ENOSF1: variants seen among roughly 807,000 people sequenced by gnomAD.
ENOSF1 encodes mitochondrial enolase superfamily member 1.
ENOSF1 carries 73 observed loss-of-function variants against 68.2 expected under a neutral mutation model. The ratio of observed to expected loss-of-function variants is 1.07; its 90% confidence interval spans 0.89 to 1.30. The LOEUF is 1.30. ENOSF1 is among the 50% of genes most tolerant of loss of function. The pLI is 0.00. For missense variants in ENOSF1, 589 were observed against 554.5 expected (o/e 1.06, Z -0.62); for synonymous variants, 223 against 210.4 (o/e 1.06, Z -0.52).
At chr18:694,520 C>T (rs1349512477) in intron 3 of ENOSF1, among the ~76,000 whole-genome samples, 186 bp from the exon 4 acceptor site, 1 of 151,614 alleles carries the variant, frequency 6.6e-6, no homozygotes, top group African/African-American at 2.4e-5. Flanking sequence ...AGTCCCTACT[C>T]AGGAGGCTGA....
At chr18:669,982 C>CAAA (rs1567993155), downstream of ENOSF1, among the ~76,000 whole-genome samples, 1 of 150,630 alleles carries the variant, frequency 6.6e-6, no homozygotes, top group African/African-American at 2.4e-5. Flanking sequence ...ACAACAACAA[C>CAAA]AAAACTCTAT....
the ENOSF1 span, among the ~76,000 whole-genome samples, chr18:664,665 A>T: frequency 3.4e-5 from 5 of 148,496 alleles, no homozygotes; most frequent in African/African-American, 1.3e-4. Context: ...TGTCATAGAT[A>T]GCTCTTATTA....
chr18:687,652 G>A (rs1034256389), intron 9 of ENOSF1: 1 of 152,356 alleles, frequency 6.6e-6, no homozygotes, highest in African/African-American at 2.4e-5. Flanking sequence ...TCAGGATGCA[G>A]GGTCATCAAC....
chr18:703,877 T>C (rs2078638719), intron 2 of ENOSF1, among the ~76,000 whole-genome samples: 1 of 152,168 alleles, frequency 6.6e-6, no homozygotes, highest in Non-Finnish European at 1.5e-5. Context: ...ATTGGTACTG[T>C]CTTTGAGATA....
At position 671,571 on chromosome 18, in the gene ENOSF1, C is replaced by T. The variant is rs1598481573; in HGVS notation, c.*2734G>A. On this transcript the variant is annotated 3_prime_UTR_variant, in exon 16 of 16. Transcript: ENST00000647584. ...AAAGATGACTGCTCCAAATGTGGGG[C>T]TTCAGTTTAGGGAGAAGTGGTGGGC... 1.3e-6 allele frequency: 1 copy of T among 754,192 alleles called. No homozygotes were observed. Among genetic ancestry groups the T allele is most frequent in the Non-Finnish European group, 2.3e-6 (1 of 436,206 alleles). 46.7% of individuals were successfully genotyped at this position (754,192 alleles called of 1,614,324 possible).
intron 5 of ENOSF1, chr18:692,958 A>G (rs1051706849): frequency 2.0e-5 from 23 of 1,169,760 alleles, no homozygotes; most frequent in Admixed American, 1.9e-4. Flanking sequence ...TTGCCAACTA[A>G]TAACAAGGGC....
chr18:687,946 C>G (rs2076775913), intron 9 of ENOSF1: 1 of 152,554 alleles, frequency 6.6e-6, no homozygotes, highest in South Asian at 2.1e-4. Flanking sequence ...GCAGGCGGAT[C>G]ACCTGAGGTC....
At chr18:666,570 A>G (rs1169376131), downstream of ENOSF1, among the ~76,000 whole-genome samples, 1 of 152,208 alleles carries the variant, frequency 6.6e-6, no homozygotes, top group African/African-American at 2.4e-5. Context: ...CTAGCTGGGC[A>G]GAGACCAGCA....
At chr18:685,355 T>TAA (rs890723514) in intron 10 of ENOSF1, among the ~76,000 whole-genome samples, 37 of 145,174 alleles carry the variant, frequency 2.5e-4, no homozygotes, top group Middle Eastern at 3.5e-3. Flanking sequence ...ATGACTTCAT[T>TAA]AAAAAAAAAA....
At chr18:695,171 TTTC>T (rs1411136864) in intron 3 of ENOSF1, among the ~76,000 whole-genome samples, 4 of 152,212 alleles carry the variant, frequency 2.6e-5, no homozygotes, top group Admixed American at 6.5e-5. Flanking sequence ...TGGAATAATT[TTTC>T]TTCTTCTTTT....
intron 5 of ENOSF1, chr18:693,016 C>A (rs531244396): frequency 8.1e-7 from 1 of 1,232,022 alleles, no homozygotes; most frequent in South Asian, 1.4e-5. Flanking sequence ...AGGTGTTGCA[C>A]TGAGGCCACC....
chr18:706,433 T>A, intron 2 of ENOSF1, 37 bp downstream of exon 2: 1 of 1,314,532 alleles, frequency 7.6e-7, no homozygotes, highest in Non-Finnish European at 1.1e-6. Context: ...ATCTGAAAAT[T>A]AAGCATTCTG....
the ENOSF1 span, among the ~76,000 whole-genome samples, chr18:663,822 G>T: frequency 1.9e-5 from 2 of 103,410 alleles, no homozygotes; most frequent in African/African-American, 1.1e-4. Flanking sequence ...AGATCAGATA[G>T]TTGTAGATAT....
chr18:671,725 G>A lies in ENOSF1; in HGVS notation c.*2580C>T, dbSNP rs1184068209. ...ATTCAAGCCAGGGGATTGTCCAAAA[G>A]GGGGCATTTTAACTCATTTTAACTT... On this transcript the variant is annotated 3_prime_UTR_variant, in exon 16 of 16. Transcript: ENST00000647584. 8.5e-6 allele frequency: 4 copies of A among 471,244 alleles called. No individual in the cohort carries two copies. The highest frequency in any genetic ancestry group is 5.3e-4 in the Middle Eastern group (1 of 1,896). 29.2% of individuals were successfully genotyped at this position (471,244 alleles called of 1,614,324 possible).
chr18:666,375 G>A (rs1318581318), downstream of ENOSF1, among the ~76,000 whole-genome samples: 1 of 152,078 alleles, frequency 6.6e-6, no homozygotes. Flanking sequence ...CGCAGTGCCA[G>A]GGTCACACTC....
At chr18:690,782 T>C (rs771195872) in intron 7 of ENOSF1, 151 bp from the exon 8 acceptor site, 28 of 1,488,476 alleles carry the variant, frequency 1.9e-5, no homozygotes, top group Middle Eastern at 2.4e-4. Context: ...TACTAGGATG[T>C]CAAACCCAGG....
intron 3 of ENOSF1, among the ~76,000 whole-genome samples, chr18:694,678 G>A (rs2847601): frequency 0.33 from 50,395 of 151,232 alleles, 8,644 homozygotes; most frequent in Admixed American, 0.37. Flanking sequence ...CTTCCGTCCA[G>A]GGACACATCT....
At chr18:684,639 T>C (rs532224500) in intron 10 of ENOSF1, among the ~76,000 whole-genome samples, 17 of 152,124 alleles carry the variant, frequency 1.1e-4, no homozygotes, top group Non-Finnish European at 2.1e-4. Flanking sequence ...ATAAATCTAG[T>C]GAATGGTGAG....
downstream of ENOSF1, among the ~76,000 whole-genome samples, chr18:669,765 C>CT (rs1213534000): frequency 8.6e-6 from 1 of 116,444 alleles, no homozygotes; most frequent in Admixed American, 7.8e-5. Flanking sequence ...TGCCACCTCA[C>CT]TAACATTTTT....
Sources: allele counts gnomAD v4.1 joint callset (sites outside exome capture counted in the v4.1 genomes callset), GRCh38; gene constraint gnomAD v4.1.1; transcripts MANE v1.5; gene names NCBI Gene and HGNC (gene_info 2026-07-23, HGNC 2026-07-21).